The following SIGLEC7 variants were observed in gnomAD, a reference collection of about 807,000 sequenced individuals.
The protein encoded by SIGLEC7 is sialic acid binding Ig like lectin 7, also known as sialic acid-binding Ig-like lectin 7.
A neutral mutation model predicts 40.8 loss-of-function variants in SIGLEC7; 33 were observed. That is an observed-to-expected ratio of 0.81 (90% CI 0.61 to 1.08). SIGLEC7 has a LOEUF of 1.08. Among genes scored for constraint, SIGLEC7 ranks in the 50% least tolerant of loss-of-function variants. SIGLEC7 has a pLI of 0.00. For missense variants in SIGLEC7, 513 were observed against 576.1 expected (o/e 0.89, Z 1.12); for synonymous variants, 242 against 237.6 (o/e 1.02, Z -0.17).
rs1458124986 is a variant in SIGLEC7 at position 51,153,434 on chromosome 19, C to T, written c.*189C>T. The T allele has an allele frequency of 7.2e-6, 3 of 419,546 alleles. No homozygotes were observed. The highest frequency in any genetic ancestry group is 1.3e-5 in the Non-Finnish European group (3 of 237,896). The allele number at this position is 419,546 out of a possible 1,614,324, so 26.0% of individuals were successfully genotyped here. A position where few individuals can be genotyped will look rare whatever the true frequency, so the allele number is the denominator to read the frequency against. On this transcript the variant is annotated 3_prime_UTR_variant, in exon 7 of 7. Transcript: ENST00000317643. ...CCTTTCCCCATCCAATCGGTCCACA[C>T]TCCCCGCCCTGGCCTCTGGTACCCA...
intron 5 of SIGLEC7, 122 bp from the exon 6 acceptor site, chr19:51,147,099 C>A: frequency 6.9e-7 from 1 of 1,457,948 alleles, no homozygotes; most frequent in Non-Finnish European, 9.3e-7. Context: ...TGGGACTGGA[C>A]CACCCTCCTC....
At position 51,142,598 on chromosome 19, in the gene SIGLEC7, C is replaced by T. The variant is rs1317318358; in HGVS notation, c.229C>T (p.Pro77Ser). ...AGGGAATGATATAAGCTGGAAGGCT[C>T]CAGTGGCCACAAACAACCCAGCTTG... is the stretch of plus-strand genomic sequence containing the variant. ...RAGNDISWKA[P>S]VATNNPAWAV... Residue 77 changes from proline (P) to serine (S), a missense_variant, in exon 1 of 7, where the codon CCA becomes TCA. Pro to Ser is a moderately conservative substitution (Grantham distance 74). Transcript: ENST00000317643. The surrounding 1 kb of genome is among the most constrained non-coding windows in gnomAD (Gnocchi z 5.0). The T allele has an allele frequency of 2.5e-6, 4 of 1,614,018 alleles. No homozygotes were observed. In the African/African-American group the frequency reaches 5.3e-5, roughly 22 times the overall value.
chr19:51,142,833 G>A lies in SIGLEC7; in HGVS notation c.433+31G>A, dbSNP rs1175687451. On this transcript the variant is annotated intron_variant, in intron 1 of 6. Transcript: ENST00000317643. This position sits in a 1 kb window ranked among gnomAD's most constrained non-coding sequence, Gnocchi z 5.0. ...GCACGGGCTCCAAGAGAGGCCAAAG[G>A]CAAATGTGATGAGGGCTTTAGGGCA... 4 of 1,558,480 alleles carry A rather than the reference G, an allele frequency of 2.6e-6. No individual in the cohort carries two copies. The highest frequency in any genetic ancestry group is 2.2e-5 in the East Asian group (1 of 44,534).
In SIGLEC7 at chr19:51,145,965, A is replaced by C. The variant is rs2092105068; in HGVS notation, c.871A>C (p.Arg291=). 1.9e-6 allele frequency: 3 copies of C among 1,614,208 alleles called. No individual in the cohort carries two copies. In the East Asian group the frequency reaches 6.7e-5, roughly 36 times the overall value. Reference sequence around the variant, plus strand: ...CCCTGCCAGGCTGAGCTGGACCTGGAGGAGTCTGACCCTGTACCCCTCACA... The same window carrying C: ...CCCTGCCAGGCTGAGCTGGACCTGGCGGAGTCTGACCCTGTACCCCTCACA... ...NPPARLSWTW[R]SLTLYPSQPS... is the part of the protein sequence containing the mutation. Residue 291 remains arginine, a synonymous_variant, in exon 4 of 7, where the codon AGG becomes CGG. Transcript: ENST00000317643. The surrounding 1 kb of genome is among the most constrained non-coding windows in gnomAD (Gnocchi z 4.3).
chr19:51,146,912 C>T, intron 5 of SIGLEC7, 62 bp downstream of exon 5: 3 of 1,508,258 alleles, frequency 2.0e-6, no homozygotes, highest in Middle Eastern at 3.5e-4. Context: ...GGAGCAGGAT[C>T]CCTGAAGCCA....
intron 6 of SIGLEC7, 21 bp downstream of exon 6, chr19:51,147,338 C>T: frequency 1.3e-6 from 2 of 1,590,680 alleles, no homozygotes; most frequent in Non-Finnish European, 1.7e-6. Context: ...TGGGCGTCTC[C>T]ACACCCAGCA....
At position 51,153,261 on chromosome 19, in the gene SIGLEC7, C is replaced by T. The variant is rs769721132; in HGVS notation, c.*16C>T. 19 of 1,537,194 alleles carry T rather than the reference C, an allele frequency of 1.2e-5. No individual in the cohort carries two copies. The highest frequency in any genetic ancestry group is 1.8e-4 in the Middle Eastern group (1 of 5,552). On this transcript the variant is annotated 3_prime_UTR_variant, in exon 7 of 7. Coordinates refer to ENST00000317643, the MANE Select transcript of SIGLEC7 (RefSeq NM_014385.4). The stretch of plus-strand genomic sequence containing the variant: ...CCCCAAGTAAGAAAATGCAGAGGCT[C>T]GGGCTTGTTTGAGGGTTCACGACCC...
chr19:51,152,018 G>A (rs2092146921), intron 6 of SIGLEC7, among the ~76,000 whole-genome samples: 1 of 152,092 alleles, frequency 6.6e-6, no homozygotes, highest in Non-Finnish European at 1.5e-5. Context: ...TGCATTTCCT[G>A]GCTTCCAACA....
In SIGLEC7 at chr19:51,146,012, G is replaced by A. The variant is rs763096483; in HGVS notation, c.918G>A (p.Leu306=). 3.1e-6 allele frequency: 5 copies of A among 1,614,106 alleles called. No homozygotes were observed. In the South Asian group the frequency reaches 3.3e-5, roughly 11 times the overall value. Residue 306 remains leucine (L), a synonymous_variant, in exon 4 of 7, where the codon CTG becomes CTA. Coordinates refer to ENST00000317643, the MANE Select transcript of SIGLEC7 (RefSeq NM_014385.4). ...CACAGCCCTCAAACCCTCTGGTACT[G>A]GAGCTGCAAGTGCACCTGGGGGATG... is the stretch of plus-strand genomic sequence containing the variant. ...YPSQPSNPLV[L]ELQVHLGDEG... is the part of the protein sequence containing the mutation.
chr19:51,146,035 A>G lies in SIGLEC7; in HGVS notation c.941A>G (p.Asp314Gly), dbSNP rs201752856. ...CTGGAGCTGCAAGTGCACCTGGGGG[A>G]TGAAGGGGAATTCACCTGTCGAGCT... ...LVLELQVHLG[D>G]EGEFTCRAQN... Residue 314 changes from aspartate (D) to glycine (G), a missense_variant, in exon 4 of 7, where the codon GAT becomes GGT. Asp to Gly is a moderately conservative substitution (Grantham distance 94). Coordinates refer to ENST00000317643, the MANE Select transcript of SIGLEC7 (RefSeq NM_014385.4). 155 of 1,614,100 alleles carry G rather than the reference A, an allele frequency of 9.6e-5. No homozygotes were observed. The East Asian group carries it at 2.8e-3, about 29-fold the overall frequency.
Position 51,145,060 on chromosome 19 carries a change from C to A in SIGLEC7, c.760+101C>A. ...CTGGACTCACCCTGGTGATATGAGA[C>A]TCCCTTGTAGTTGAACCCAGGCCTC... On this transcript the variant is annotated intron_variant, in intron 3 of 6. Coordinates refer to ENST00000317643, the MANE Select transcript of SIGLEC7 (RefSeq NM_014385.4). The surrounding 1 kb of genome is among the most constrained non-coding windows in gnomAD (Gnocchi z 4.3). 1 of 1,203,558 alleles carries A rather than the reference C, an allele frequency of 8.3e-7. No individual in the cohort carries two copies. The highest frequency in any genetic ancestry group is 1.2e-6 in the Non-Finnish European group (1 of 812,040). 74.6% of individuals were successfully genotyped at this position (1,203,558 alleles called of 1,614,324 possible).
rs1040212154 is a variant in SIGLEC7 at position 51,153,478 on chromosome 19, C to T, written c.*233C>T. The T allele has an allele frequency of 7.8e-5, 26 of 334,532 alleles. No individual in the cohort carries two copies. In the East Asian group the frequency reaches 1.2e-3, roughly 15 times the overall value. The allele number at this position is 334,532 out of a possible 1,614,324, so 20.7% of individuals were successfully genotyped here. A position where few individuals can be genotyped will look rare whatever the true frequency, so the allele number is the denominator to read the frequency against. On this transcript the variant is annotated 3_prime_UTR_variant, in exon 7 of 7. Transcript: ENST00000317643. ...GTACCCACCATTCTCCTCTGTACTT[C>T]TCTAAGGATGACTACTTTAGATTCC...
rs1304204949 is a variant in SIGLEC7, at chr19:51,144,387, G to A, written c.434-19G>A. The A allele has an allele frequency of 1.3e-6, 2 of 1,592,338 alleles. No individual in the cohort carries two copies. The highest frequency in any genetic ancestry group is 2.2e-5 in the East Asian group (1 of 44,812). On this transcript the variant is annotated intron_variant, in intron 1 of 6. Transcript: ENST00000317643. ...CATGGATCCTCTGTCCTGATCCTGA[G>A]TCCCCCTCTCTTCACCAGCCTTGAC...
chr19:51,152,861 A>G (rs1276827972), intron 6 of SIGLEC7: 3 of 410,950 alleles, frequency 7.3e-6, no homozygotes, highest in Non-Finnish European at 1.3e-5. Context: ...AAGTTGCTCA[A>G]TAAGTGTTAA....
At position 51,142,706 on chromosome 19, in the gene SIGLEC7, G is replaced by A. The variant is rs763249333; in HGVS notation, c.337G>A (p.Ala113Thr). The change falls in exon 1 of 7, where the codon GCC (alanine) becomes ACC (threonine). Residue 113 changes from alanine (A) to threonine (T), a missense_variant. By Grantham distance (58) the Ala-to-Thr change is moderately conservative (BLOSUM62 0). Transcript: ENST00000317643. The surrounding 1 kb of genome is among the most constrained non-coding windows in gnomAD (Gnocchi z 5.0). ...AAATTGCACCCTGAGCATCAGAGAT[G>A]CCAGAATGAGTGATGCGGGGAGATA... ...TKNCTLSIRD[A>T]RMSDAGRYFF... 8 of 1,614,190 alleles carry A rather than the reference G, an allele frequency of 5.0e-6. No individual in the cohort carries two copies. Among genetic ancestry groups the A allele is most frequent in the Non-Finnish European group, 5.9e-6 (7 of 1,180,030 alleles).
chr19:51,147,012 G>T (rs1231344528), intron 5 of SIGLEC7, 162 bp downstream of exon 5: 5 of 987,190 alleles, frequency 5.1e-6, no homozygotes, highest in Non-Finnish European at 7.4e-6. Context: ...CCTTGTCTGT[G>T]GGGCTCCACA....
intron 1 of SIGLEC7, chr19:51,144,004 A>C: frequency 1.9e-6 from 1 of 514,234 alleles, no homozygotes; most frequent in African/African-American, 1.9e-5. Context: ...GGAATAATCC[A>C]GTGGCCACAA....
At chr19:51,148,373 G>T (rs1472106708) in intron 6 of SIGLEC7, among the ~76,000 whole-genome samples, 1 of 152,016 alleles carries the variant, frequency 6.6e-6, no homozygotes, top group Non-Finnish European at 1.5e-5. Flanking sequence ...AGTGTCTGTT[G>T]TTCTCTTCTT....
At chr19:51,149,635 C>T (rs2092131628) in intron 6 of SIGLEC7, among the ~76,000 whole-genome samples, 1 of 152,106 alleles carries the variant, frequency 6.6e-6, no homozygotes, top group Non-Finnish European at 1.5e-5. Flanking sequence ...GCTATTTGGG[C>T]ACTTTTTTGG....
Sources: gnomAD v4.1 joint callset for allele counts (sites outside exome capture counted in the v4.1 genomes callset) on GRCh38, gnomAD v4.1.1 for gene constraint, Gnocchi (gnomAD v3.1) non-coding constraint, MANE v1.5 for transcripts, NCBI Gene and HGNC (gene_info 2026-07-23, HGNC 2026-07-21) for gene names.